The following RGL1 variants were observed in gnomAD, a reference collection of about 807,000 sequenced individuals.
The protein encoded by RGL1 is ral guanine nucleotide dissociation stimulator-like 1.
Under a neutral mutation model 95.2 loss-of-function variants are expected in RGL1, and 24 were observed. The observed-to-expected ratio is 0.25, with a 90% CI of 0.18 to 0.35. RGL1 has a LOEUF of 0.35. Ranked by LOEUF, RGL1 falls within the 10% of genes least tolerant of loss-of-function variation. RGL1 has a pLI of 1.00. For synonymous variants in RGL1, 329 were observed against 344.9 expected (o/e 0.95, Z 0.51); for missense variants, 715 against 936.3 (o/e 0.76, Z 3.08).
At chr1:183,840,846 T>C (rs749130397) in intron 2 of RGL1, among the ~76,000 whole-genome samples, 1 of 152,092 alleles carries the variant, frequency 6.6e-6, no homozygotes, top group Non-Finnish European at 1.5e-5. Flanking sequence ...GAACCCTGAT[T>C]GCACCACTGT....
chr1:183,639,754 A>C (rs1189931721), intron 1 of RGL1, among the ~76,000 whole-genome samples: 1 of 151,502 alleles, frequency 6.6e-6, no homozygotes, highest in African/African-American at 2.4e-5. Flanking sequence ...TTTATTTGGG[A>C]ATTAGAAAAG....
chr1:183,806,979 T>G (rs528248071), intron 2 of RGL1, among the ~76,000 whole-genome samples: 17 of 152,310 alleles, frequency 1.1e-4, no homozygotes, highest in Middle Eastern at 3.4e-3. Context: ...TATTGTGATC[T>G]CTTTTCTATA....
At chr1:183,639,711 A>T (rs1229113136) in intron 1 of RGL1, among the ~76,000 whole-genome samples, 7 of 148,164 alleles carry the variant, frequency 4.7e-5, no homozygotes, top group African/African-American at 1.8e-4. Context: ...AAAAAAAAAA[A>T]AATCAGGGAA....
At chr1:183,856,259 A>G (rs1665136368) in intron 3 of RGL1, among the ~76,000 whole-genome samples, 1 of 152,012 alleles carries the variant, frequency 6.6e-6, no homozygotes. Flanking sequence ...AAAAAACCCA[A>G]AAAAACTTGG....
intron 1 of RGL1, among the ~76,000 whole-genome samples, chr1:183,701,678 C>A (rs1311597793): frequency 1.3e-5 from 2 of 152,106 alleles, no homozygotes; most frequent in African/African-American, 2.4e-5. Context: ...GTGGCTCATG[C>A]CTGTAATCCC....
intron 2 of RGL1, among the ~76,000 whole-genome samples, chr1:183,795,151 G>A (rs1449806459): frequency 1.3e-5 from 2 of 152,128 alleles, no homozygotes; most frequent in African/African-American, 2.4e-5. Context: ...TTACAGGCAT[G>A]AGCCACCATG....
chr1:183,729,277 C>T (rs967253720), intron 1 of RGL1, among the ~76,000 whole-genome samples: 2 of 151,612 alleles, frequency 1.3e-5, no homozygotes, highest in African/African-American at 2.4e-5. Flanking sequence ...CTGATAGAAC[C>T]AATTATAAAG....
intron 3 of RGL1, among the ~76,000 whole-genome samples, chr1:183,858,436 CAG>C (rs1320893750): frequency 1.3e-5 from 2 of 152,084 alleles, no homozygotes; most frequent in Admixed American, 6.5e-5. Flanking sequence ...AGCGTGGTAA[CAG>C]GGGATATGTA....
At position 183,916,673 on chromosome 1, in the gene RGL1, A is replaced by G. The variant is rs768016010; in HGVS notation, c.1976A>G (p.Asn659Ser). ...TCIIRISVEDNNGNMYKSIML... is the reference protein window; with the variant it reads ...TCIIRISVEDSNGNMYKSIML... ...ATAATCCGCATCAGTGTGGAAGACAATAACGGCAACATGTACAAGAGCATC... is the reference window on the plus strand; with the variant it reads ...ATAATCCGCATCAGTGTGGAAGACAGTAACGGCAACATGTACAAGAGCATC... The change falls in exon 16 of 18, where the codon AAT (asparagine) becomes AGT (serine). Residue 659 changes from asparagine (N) to serine (S), a missense_variant. Asn to Ser is a conservative substitution (Grantham distance 46). Transcript: ENST00000360851. The G allele has an allele frequency of 8.7e-6, 14 of 1,613,454 alleles. No homozygotes were observed. The highest frequency in any genetic ancestry group is 1.3e-5 in the African/African-American group (1 of 74,898).
chr1:183,660,214 T>C (rs1651508772), intron 1 of RGL1, among the ~76,000 whole-genome samples: 1 of 152,122 alleles, frequency 6.6e-6, no homozygotes, highest in African/African-American at 2.4e-5. Flanking sequence ...ACAATATTAA[T>C]TTTAAATGTA....
chr1:183,924,822 C>T (rs1325448536), intron 17 of RGL1, among the ~76,000 whole-genome samples: 3 of 149,524 alleles, frequency 2.0e-5, no homozygotes, highest in Admixed American at 1.3e-4. Flanking sequence ...AAAAATTAGC[C>T]GGGGGTGGTG....
intron 16 of RGL1, among the ~76,000 whole-genome samples, chr1:183,917,114 A>G (rs935632986): frequency 6.6e-5 from 10 of 152,258 alleles, no homozygotes; most frequent in African/African-American, 2.4e-4. Context: ...TTGAATTTCC[A>G]CACATTCTTA....
intron 6 of RGL1, among the ~76,000 whole-genome samples, 191 bp downstream of exon 6, chr1:183,884,101 C>G (rs889507606): frequency 6.6e-6 from 1 of 152,246 alleles, no homozygotes; most frequent in Non-Finnish European, 1.5e-5. Flanking sequence ...GGCCTGAGCT[C>G]TTCTTGCAAC....
In RGL1 at chr1:183,709,722, G is replaced by A. The variant is rs1378434092; in HGVS notation, c.-32-32404G>A. 4.2e-5 allele frequency: 9 copies of A among 215,366 alleles called. No individual in the cohort carries two copies. In the East Asian group the frequency reaches 8.8e-4, roughly 21 times the overall value. The allele number at this position is 215,366 out of a possible 1,614,324, so 13.3% of individuals were successfully genotyped here. ...TGTGGACACCCCACTCTCACTATGT[G>A]AATTCGAGGCTGGTGCTTATTAAGG... On this transcript the variant is annotated intron_variant, in intron 1 of 18. Transcript: ENST00000304685.
intron 1 of RGL1, among the ~76,000 whole-genome samples, chr1:183,700,641 G>C (rs1483774589): frequency 6.6e-6 from 1 of 151,512 alleles, no homozygotes; most frequent in Non-Finnish European, 1.5e-5. Context: ...TGCCTCCCGG[G>C]TTCAAGTGAT....
rs1189605933 is a variant in RGL1 at position 183,902,732 on chromosome 1, T to C, written c.1350+132T>C. 6.2e-5 allele frequency: 47 copies of C among 759,558 alleles called. No individual in the cohort carries two copies. In the East Asian group the frequency reaches 1.2e-3, roughly 19 times the overall value. The allele number at this position is 759,558 out of a possible 1,614,324, so 47.1% of individuals were successfully genotyped here. ...ACTGAACGTTTATCATATACCATTT[T>C]GCTTGGCATTCTCCTATACATTATC... On this transcript the variant is annotated intron_variant, in intron 12 of 17. Coordinates refer to ENST00000360851, the MANE Select transcript of RGL1 (RefSeq NM_001297671.3).
chr1:183,793,782 T>G (rs2102384356), intron 2 of RGL1, among the ~76,000 whole-genome samples: 1 of 152,080 alleles, frequency 6.6e-6, no homozygotes, highest in Non-Finnish European at 1.5e-5. Flanking sequence ...AAAGAAACTC[T>G]AATACAGTGT....
At chr1:183,818,336 C>T (rs956756784) in intron 2 of RGL1, among the ~76,000 whole-genome samples, 1 of 152,176 alleles carries the variant, frequency 6.6e-6, no homozygotes, top group Non-Finnish European at 1.5e-5. Context: ...TTTTTGGTTT[C>T]ATCAGCCATA....
chr1:183,802,611 A>AAC (rs1661057903), upstream of RGL1, among the ~76,000 whole-genome samples: 1 of 151,538 alleles, frequency 6.6e-6, no homozygotes, highest in Non-Finnish European at 1.5e-5. Context: ...AAAAAAAAAA[A>AAC]AAAAAAAAAA....
Sources: gnomAD v4.1 joint callset for allele counts (sites outside exome capture counted in the v4.1 genomes callset) on GRCh38, gnomAD v4.1.1 for gene constraint, MANE v1.5 for transcripts, NCBI Gene and HGNC (gene_info 2026-07-23, HGNC 2026-07-21) for gene names.